Variants in IPCEF1 observed in about 807,000 individuals in gnomAD.
IPCEF1 encodes the protein interactor protein for cytohesin exchange factors 1.
Under a neutral mutation model 50.9 loss-of-function variants are expected in IPCEF1, and 31 were observed. The ratio of observed to expected loss-of-function variants is 0.61; its 90% confidence interval spans 0.46 to 0.82. The LOEUF (loss-of-function observed/expected upper bound fraction) is 0.82. Among genes scored for constraint, IPCEF1 ranks in the 40% least tolerant of loss-of-function variants. IPCEF1 has a pLI of 0.00. For missense variants in IPCEF1, 458 were observed against 514.0 expected (o/e 0.89, Z 1.05); for synonymous variants, 181 against 192.0 (o/e 0.94, Z 0.47).
At chr6:154,288,676 C>CAAAAAAAAAAA (rs558703057) in intron 2 of IPCEF1, among the ~76,000 whole-genome samples, 101 of 46,852 alleles carry the variant, frequency 2.2e-3, no homozygotes, top group Non-Finnish European at 2.9e-3. Flanking sequence ...ACAAAAAAAA[C>CAAAAAAAAAAA]AAAAAAAAAA....
chr6:154,185,491 G>A (rs2128573701), intron 10 of IPCEF1, among the ~76,000 whole-genome samples: 1 of 152,218 alleles, frequency 6.6e-6, no homozygotes, highest in Non-Finnish European at 1.5e-5. Flanking sequence ...ACTTTACATG[G>A]TTAAAGGTCT....
At chr6:154,236,833 T>G (rs1479543641) in intron 5 of IPCEF1, among the ~76,000 whole-genome samples, 1 of 152,102 alleles carries the variant, frequency 6.6e-6, no homozygotes, top group Admixed American at 6.5e-5. Context: ...TAAAATTGGG[T>G]GCGTTCTCTT....
intron 2 of IPCEF1, among the ~76,000 whole-genome samples, chr6:154,268,171 C>T (rs561170094): frequency 6.6e-6 from 1 of 152,338 alleles, no homozygotes. Flanking sequence ...CCCATCAGAG[C>T]AGGCACTGAC....
chr6:154,216,201 A>G (rs1778378651), intron 7 of IPCEF1, among the ~76,000 whole-genome samples: 1 of 152,224 alleles, frequency 6.6e-6, no homozygotes, highest in Non-Finnish European at 1.5e-5. Context: ...TGTAATGGCA[A>G]AAAGAAAAAA....
At chr6:154,203,886 C>A (rs896969329) in intron 9 of IPCEF1, among the ~76,000 whole-genome samples, 5 of 152,136 alleles carry the variant, frequency 3.3e-5, no homozygotes, top group Non-Finnish European at 7.4e-5. Flanking sequence ...TGAAATCCTC[C>A]ATAAAGTTGC....
At chr6:154,338,591 C>T (rs889215388) in intron 1 of IPCEF1, among the ~76,000 whole-genome samples, 2 of 152,138 alleles carry the variant, frequency 1.3e-5, no homozygotes, top group Non-Finnish European at 2.9e-5. Flanking sequence ...AACTATCTGA[C>T]CCATCTACCT....
At chr6:154,205,233 G>A (rs1186341928) in intron 9 of IPCEF1, among the ~76,000 whole-genome samples, 1 of 152,098 alleles carries the variant, frequency 6.6e-6, no homozygotes, top group Non-Finnish European at 1.5e-5. Context: ...AACTCAAGAT[G>A]CTCAAGGGAG....
intron 5 of IPCEF1, among the ~76,000 whole-genome samples, chr6:154,231,174 C>T (rs984475258): frequency 3.9e-5 from 6 of 152,062 alleles, no homozygotes; most frequent in Non-Finnish European, 8.8e-5. Flanking sequence ...AGACTCATGA[C>T]CACTAGAGAA....
Position 154,246,761 on chromosome 6 carries a change from C to A in IPCEF1, c.77-1G>T, listed in dbSNP as rs751671320. The A allele has an allele frequency of 1.9e-6, 3 of 1,613,520 alleles. No individual in the cohort carries two copies. Among genetic ancestry groups the A allele is most frequent in the Non-Finnish European group, 2.5e-6 (3 of 1,179,690 alleles). On this transcript the variant is annotated splice_acceptor_variant, in intron 4 of 11. Coordinates refer to ENST00000367220, the MANE Select transcript of IPCEF1 (RefSeq NM_001130700.2). LOFTEE classifies it high-confidence loss of function. ...CTCCTCCGACTCATCGTGAGAAAAC[C>A]TGCAATGATTACATGAAGAGGTAGA...
At chr6:154,244,297 G>GGGGTGTGT (rs1307383951) in intron 5 of IPCEF1, among the ~76,000 whole-genome samples, 1,713 of 76,854 alleles carry the variant, frequency 0.022, 30 homozygotes, top group African/African-American at 0.093. Context: ...TGTGTGTGTG[G>GGGGTGTGT]GTGGGTGTGT....
chr6:154,311,417 C>T (rs956584019), intron 1 of IPCEF1, among the ~76,000 whole-genome samples: 4 of 152,162 alleles, frequency 2.6e-5, no homozygotes, highest in African/African-American at 9.7e-5. Context: ...CTTTCTCTTA[C>T]TACCTTTTGT....
At chr6:154,185,095 T>C (rs1156423335) in intron 10 of IPCEF1, among the ~76,000 whole-genome samples, 1 of 152,166 alleles carries the variant, frequency 6.6e-6, no homozygotes, top group Non-Finnish European at 1.5e-5. Flanking sequence ...AGTTAAAAAA[T>C]ATATCCATTG....
At chr6:154,205,526 C>A (rs1283370696) in intron 9 of IPCEF1, among the ~76,000 whole-genome samples, 2 of 152,198 alleles carry the variant, frequency 1.3e-5, no homozygotes, top group East Asian at 1.9e-4. Flanking sequence ...ACCCAGGAGG[C>A]GGAAGTTGCA....
intron 1 of IPCEF1, among the ~76,000 whole-genome samples, chr6:154,311,491 G>C (rs1783076503): frequency 6.6e-6 from 1 of 152,142 alleles, no homozygotes; most frequent in African/African-American, 2.4e-5. Context: ...TTGAGCTCCA[G>C]AGCTATACTT....
intron 9 of IPCEF1, among the ~76,000 whole-genome samples, chr6:154,210,755 T>C (rs1777892589): frequency 6.6e-6 from 1 of 152,238 alleles, no homozygotes; most frequent in Non-Finnish European, 1.5e-5. Context: ...AAAATTGTTC[T>C]AAATTTTACC....
chr6:154,205,860 A>G (rs891842777), intron 9 of IPCEF1, among the ~76,000 whole-genome samples: 2 of 151,928 alleles, frequency 1.3e-5, no homozygotes, highest in Non-Finnish European at 1.5e-5. Context: ...TTGTATCTCC[A>G]TGCTTCTGCT....
chr6:154,270,671 T>C (rs1202469124), intron 2 of IPCEF1, among the ~76,000 whole-genome samples: 1 of 152,238 alleles, frequency 6.6e-6, no homozygotes, highest in Non-Finnish European at 1.5e-5. Flanking sequence ...TTTAAATTAA[T>C]TTCAATTTAA....
intron 3 of IPCEF1, among the ~76,000 whole-genome samples, chr6:154,261,657 A>G (rs923367883): frequency 2.0e-5 from 3 of 152,246 alleles, no homozygotes; most frequent in Non-Finnish European, 4.4e-5. Flanking sequence ...TTAGCAAAAC[A>G]GGACAATGCT....
chr6:154,308,540 C>G lies in IPCEF1; in HGVS notation c.-61-18784G>C, dbSNP rs1310470205. Reference sequence around the variant, plus strand: ...CTTTCCCAAGGCAATAGAGGTTTAACAGAGAACAAAGTATTCTTTATATTA... The same window carrying G: ...CTTTCCCAAGGCAATAGAGGTTTAAGAGAGAACAAAGTATTCTTTATATTA... On this transcript the variant is annotated intron_variant, in intron 1 of 11. Coordinates refer to ENST00000367220, the MANE Select transcript of IPCEF1 (RefSeq NM_001130700.2). 2.0e-5 allele frequency among the ~76,000 whole-genome samples: 3 copies of G among 152,170 alleles called. No homozygotes were observed. In the East Asian group the frequency reaches 5.8e-4, roughly 29 times the overall value.
Sources: gnomAD v4.1 joint callset for allele counts (sites outside exome capture counted in the v4.1 genomes callset) on GRCh38, gnomAD v4.1.1 for gene constraint, MANE v1.5 for transcripts, NCBI Gene and HGNC (gene_info 2026-07-23, HGNC 2026-07-21) for gene names.